The following CDKN2B-AS1 variants were observed in gnomAD, a reference collection of about 807,000 sequenced individuals.
CDKN2B-AS1 encodes the protein CDKN2B antisense RNA 1 (non-protein coding).
In CDKN2B-AS1 at chr9:22,018,182, G is replaced by C. The variant is rs1011241106; in HGVS notation, n.29+23021G>C. Among the ~76,000 whole-genome samples the C allele has an allele frequency of 2.0e-5, 3 of 151,844 alleles. No individual in the cohort carries two copies. The South Asian group carries it at 6.2e-4, about 32-fold the overall frequency. On this transcript the variant is annotated intron_variant and non_coding_transcript_variant, in intron 1 of 4. Transcript: ENST00000650946. ...CTACTAAAAATACAAAAATTAGCTG[G>C]GGGTGGTGTCAGGCACCTGTAATCC... is the stretch of plus-strand genomic sequence containing the variant.
intron 2 of CDKN2B-AS1, among the ~76,000 whole-genome samples, chr9:22,047,063 A>T (rs1823138317): frequency 6.6e-6 from 1 of 152,138 alleles, no homozygotes; most frequent in African/African-American, 2.4e-5. Flanking sequence ...CTGGAGTAGT[A>T]ATAAAGATTA....
chr9:22,075,529 A>G (rs569020658), intron 4 of CDKN2B-AS1, among the ~76,000 whole-genome samples: 1 of 152,350 alleles, frequency 6.6e-6, no homozygotes, highest in African/African-American at 2.4e-5. Flanking sequence ...GAAGAATGAC[A>G]TATGCCAAGT....
chr9:22,102,556 T>C (rs921712385), intron 4 of CDKN2B-AS1, among the ~76,000 whole-genome samples: 11 of 152,150 alleles, frequency 7.2e-5, no homozygotes, highest in African/African-American at 2.2e-4. Flanking sequence ...TTCTGGTGGC[T>C]TCAGGTGTTT....
At chr9:22,074,022 C>T (rs922976649) in intron 4 of CDKN2B-AS1, among the ~76,000 whole-genome samples, 4 of 152,012 alleles carry the variant, frequency 2.6e-5, no homozygotes, top group Non-Finnish European at 5.9e-5. Context: ...TGCCACCACA[C>T]CTGGCTAATT....
At chr9:22,070,712 C>G (rs1242058219) in intron 4 of CDKN2B-AS1, among the ~76,000 whole-genome samples, 1 of 152,156 alleles carries the variant, frequency 6.6e-6, no homozygotes, top group African/African-American at 2.4e-5. Flanking sequence ...CCGGTCCCAG[C>G]CATGACAGTA....
Position 22,052,020 on chromosome 9 carries a change from C to T in CDKN2B-AS1, n.302+2792C>T, listed in dbSNP as rs1355341674. Among the ~76,000 whole-genome samples the T allele has an allele frequency of 2.6e-5, 4 of 152,144 alleles. No homozygotes were observed. In the East Asian group the frequency reaches 7.7e-4, roughly 29 times the overall value. ...CTGAGGTTAAATCATGACTGTGGTC[C>T]TCACATCATGGTGGGGGATCCTGGT... On this transcript the variant is annotated intron_variant and non_coding_transcript_variant, in intron 3 of 4. Coordinates refer to ENST00000650946, the Ensembl canonical transcript of CDKN2B-AS1.
intron 1 of CDKN2B-AS1, among the ~76,000 whole-genome samples, chr9:22,042,522 A>T (rs1822939479): frequency 6.6e-6 from 1 of 152,090 alleles, no homozygotes; most frequent in Admixed American, 6.6e-5. Context: ...AGACTGGTTC[A>T]TCTGTGTGGT....
At chr9:22,018,756 C>G (rs1044417841) in intron 1 of CDKN2B-AS1, among the ~76,000 whole-genome samples, 1 of 152,142 alleles carries the variant, frequency 6.6e-6, no homozygotes, top group Non-Finnish European at 1.5e-5. Flanking sequence ...ACATTTTTAG[C>G]AATAATGTGA....
At chr9:22,013,059 A>G (rs1434725724) in intron 1 of CDKN2B-AS1, among the ~76,000 whole-genome samples, 3 of 152,196 alleles carry the variant, frequency 2.0e-5, no homozygotes, top group African/African-American at 7.2e-5. Flanking sequence ...GCACATGGCC[A>G]TCCTACTGCT....
At chr9:22,016,428 A>C (rs1376394664) in intron 1 of CDKN2B-AS1, among the ~76,000 whole-genome samples, 1 of 152,234 alleles carries the variant, frequency 6.6e-6, no homozygotes, top group Non-Finnish European at 1.5e-5. Context: ...GACTTTCTTC[A>C]CAGAATTGGA....
intron 1 of CDKN2B-AS1, among the ~76,000 whole-genome samples, chr9:22,032,483 A>G (rs1822517935): frequency 1.3e-5 from 2 of 152,154 alleles, no homozygotes; most frequent in South Asian, 2.1e-4. Context: ...CTAGGGCTTC[A>G]TGCCTGAGGT....
At chr9:22,033,750 A>G (rs1235537967) in intron 1 of CDKN2B-AS1, among the ~76,000 whole-genome samples, 1 of 152,132 alleles carries the variant, frequency 6.6e-6, no homozygotes, top group Non-Finnish European at 1.5e-5. Flanking sequence ...CCAAGAAGAG[A>G]CTGAGGTGAT....
chr9:22,095,510 A>C (rs926336966), intron 4 of CDKN2B-AS1, among the ~76,000 whole-genome samples: 4 of 150,222 alleles, frequency 2.7e-5, no homozygotes, highest in Admixed American at 6.6e-5. Flanking sequence ...ACTTCCAACT[A>C]TGTGGTCAAT....
intron 1 of CDKN2B-AS1, chr9:22,009,244 T>C (rs1184385166): frequency 7.2e-6 from 4 of 557,042 alleles, no homozygotes; most frequent in Non-Finnish European, 3.2e-6. Flanking sequence ...TCAAAGCCGC[T>C]CTGGCCGCAG....
intron 4 of CDKN2B-AS1, among the ~76,000 whole-genome samples, chr9:22,072,801 G>C (rs895658696): frequency 6.6e-6 from 1 of 152,190 alleles, no homozygotes; most frequent in Non-Finnish European, 1.5e-5. Flanking sequence ...AGAATAAGTG[G>C]TAGAATTTGT....
chr9:22,123,642 A>T (rs1200318126), intron 4 of CDKN2B-AS1, among the ~76,000 whole-genome samples: 3 of 152,188 alleles, frequency 2.0e-5, no homozygotes, highest in African/African-American at 7.2e-5. Context: ...AGATGGATTA[A>T]AAAAACCCTG....
chr9:22,087,533 T>A (rs1386988333), intron 4 of CDKN2B-AS1, among the ~76,000 whole-genome samples: 2 of 152,238 alleles, frequency 1.3e-5, no homozygotes, highest in Admixed American at 1.3e-4. Context: ...TCTCACAGTT[T>A]ATGCTTATTT....
chr9:22,064,174 G>T (rs768173075), intron 4 of CDKN2B-AS1, among the ~76,000 whole-genome samples: 6 of 152,108 alleles, frequency 3.9e-5, no homozygotes, highest in South Asian at 2.1e-4. Flanking sequence ...TTGGAGTTTG[G>T]GGGGAGAAGA....
chr9:22,003,463 A>C (rs1821016077), intron 1 of CDKN2B-AS1: 1 of 227,784 alleles, frequency 4.4e-6, no homozygotes, highest in African/African-American at 2.2e-5. Context: ...ATGACCCAGT[A>C]TAATGCAACT....
Sources: allele counts gnomAD v4.1 joint callset (sites outside exome capture counted in the v4.1 genomes callset), GRCh38; gene constraint gnomAD v4.1.1; transcripts MANE v1.5; gene names NCBI Gene and HGNC (gene_info 2026-07-23, HGNC 2026-07-21).